CDON: variants seen among roughly 807,000 people sequenced by gnomAD.
The protein encoded by CDON is cell adhesion associated, oncogene regulated, also known as cell adhesion molecule-related/down-regulated by oncogenes.
Under a neutral mutation model 120.9 loss-of-function variants are expected in CDON, and 73 were observed. The observed-to-expected ratio is 0.60, with a 90% CI of 0.50 to 0.73. The LOEUF (loss-of-function observed/expected upper bound fraction) is 0.73. Ranked by LOEUF, CDON falls within the 30% of genes least tolerant of loss-of-function variation. The probability of loss-of-function intolerance (pLI) is 0.00; values close to 1 mark genes in which losing one functional copy is unlikely to be tolerated. For missense variants in CDON, 1,470 were observed against 1,587.3 expected (o/e 0.93, Z 1.26); for synonymous variants, 566 against 573.5 (o/e 0.99, Z 0.19).
intron 18 of CDON, among the ~76,000 whole-genome samples, chr11:125,974,989 C>G (rs1946113597): frequency 6.6e-6 from 1 of 152,066 alleles, no homozygotes; most frequent in African/African-American, 2.4e-5. Context: ...CCTCTTCATC[C>G]CCATTCCCCA....
At position 125,997,338 on chromosome 11, in the gene CDON, C is replaced by T. The variant is rs1565514784; in HGVS notation, c.2231G>A (p.Arg744Gln). 7.4e-6 allele frequency: 12 copies of T among 1,613,944 alleles called. No homozygotes were observed. Among genetic ancestry groups the T allele is most frequent in the South Asian group, 2.2e-5 (2 of 91,068 alleles). ...ETSVYVTWIPRANGGSPITAF... is the reference protein window; with the variant it reads ...ETSVYVTWIPQANGGSPITAF... Reference sequence around the variant, plus strand: ...AGTGATTGGAGAACCCCCGTTTGCCCGAGGAATCCAAGTGACATAGACTGA... The same window carrying T: ...AGTGATTGGAGAACCCCCGTTTGCCTGAGGAATCCAAGTGACATAGACTGA... Residue 744 changes from arginine (R) to glutamine (Q), a missense_variant, in exon 12 of 20, where the codon CGG becomes CAG. Arg to Gln is a conservative substitution (Grantham distance 43, BLOSUM62 1). Coordinates refer to ENST00000531738, the MANE Select transcript of CDON (RefSeq NM_001378964.1).
At chr11:126,042,497 AT>A (rs372539124) in intron 1 of CDON, among the ~76,000 whole-genome samples, 37 of 152,192 alleles carry the variant, frequency 2.4e-4, no homozygotes, top group East Asian at 7.7e-4. Context: ...AGAAACATAT[AT>A]TTTTTTTATG....
chr11:125,966,371 G>C (rs1031082843), intron 18 of CDON, among the ~76,000 whole-genome samples: 1 of 152,140 alleles, frequency 6.6e-6, no homozygotes, highest in Non-Finnish European at 1.5e-5. Flanking sequence ...AAGACATGGG[G>C]ATAAGAGCAT....
At chr11:125,971,943 G>GGAGAA (rs1005211373) in intron 18 of CDON, among the ~76,000 whole-genome samples, 2 of 152,164 alleles carry the variant, frequency 1.3e-5, no homozygotes, top group African/African-American at 4.8e-5. Context: ...TTTGAATTCA[G>GGAGAA]GAGAAGAGAA....
rs1177180374 is a variant in CDON at position 125,981,119 on chromosome 11, A to G, written c.3206T>C (p.Leu1069Pro). Residue 1069 changes from leucine (L) to proline (P), a missense_variant, in exon 17 of 20, where the codon CTT becomes CCT. Leu to Pro is a moderately conservative substitution (Grantham distance 98). Transcript: ENST00000531738. ...TAGAGAGTTGCTGTGCCCGGAGTAA[A>G]GCCCTCCATTTAGGCTCCCATTCAC... ...GIVNGSLNGG[L>P]YSGHSNSLTR... 1 of 1,614,132 alleles carries G rather than the reference A, an allele frequency of 6.2e-7. No homozygotes were observed. Among genetic ancestry groups the G allele is most frequent in the South Asian group, 1.1e-5 (1 of 91,080 alleles).
chr11:125,978,954 G>A (rs571970416), intron 17 of CDON, among the ~76,000 whole-genome samples: 1 of 152,320 alleles, frequency 6.6e-6, no homozygotes, highest in South Asian at 2.1e-4. Context: ...TGGAGGGGGT[G>A]TGTTAATATT....
At chr11:126,046,629 G>A (rs956679175) in intron 1 of CDON, among the ~76,000 whole-genome samples, 2 of 152,168 alleles carry the variant, frequency 1.3e-5, no homozygotes, top group African/African-American at 2.4e-5. Context: ...GTCATTTTCC[G>A]ATTCTACAAC....
At chr11:125,975,803 CA>C (rs1362444938) in intron 18 of CDON, among the ~76,000 whole-genome samples, 1 of 152,188 alleles carries the variant, frequency 6.6e-6, no homozygotes, top group African/African-American at 2.4e-5. Context: ...CTTATGTAAA[CA>C]TTATCCTTTC....
chr11:126,013,225 C>G (rs556642200), intron 7 of CDON, among the ~76,000 whole-genome samples: 1 of 152,196 alleles, frequency 6.6e-6, no homozygotes, highest in African/African-American at 2.4e-5. Context: ...TTACACTGTC[C>G]TGGCTTGCTG....
At chr11:126,059,159 C>G (rs2043437) in intron 1 of CDON, among the ~76,000 whole-genome samples, 1 of 152,096 alleles carries the variant, frequency 6.6e-6, no homozygotes. Flanking sequence ...AACGATACAT[C>G]AGCCTTTACA....
intron 1 of CDON, among the ~76,000 whole-genome samples, chr11:126,023,826 CACAA>C (rs1303456758): frequency 6.6e-6 from 1 of 152,244 alleles, no homozygotes; most frequent in African/African-American, 2.4e-5. Flanking sequence ...TTACACATCT[CACAA>C]ACATACAAAA....
At chr11:126,052,509 A>G (rs1235114992) in intron 1 of CDON, among the ~76,000 whole-genome samples, 2 of 152,182 alleles carry the variant, frequency 1.3e-5, no homozygotes, top group Non-Finnish European at 2.9e-5. Flanking sequence ...CAGACCAAAA[A>G]TATTTGGAAA....
chr11:126,035,686 G>A (rs1275487740), intron 1 of CDON, among the ~76,000 whole-genome samples: 2 of 152,090 alleles, frequency 1.3e-5, no homozygotes, highest in Non-Finnish European at 2.9e-5. Flanking sequence ...ACACAAATTG[G>A]CCTATGTCAG....
In CDON at chr11:126,010,565, C is replaced by T. The variant is rs753825222; in HGVS notation, c.1328G>A (p.Gly443Glu). 2 of 1,614,132 alleles carry T rather than the reference C, an allele frequency of 1.2e-6. No homozygotes were observed. The highest frequency in any genetic ancestry group is 2.2e-5 in the South Asian group (2 of 91,076). ...TTGAGATGGATGGCTGGTTATCAAT[C>T]CATGGCTGTCATACCAACGAATGAC... Reference protein sequence around the residue: ...VPVIRWYDSHGLITSHPSQVL... With the variant: ...VPVIRWYDSHELITSHPSQVL... Residue 443 changes from glycine (G) to glutamate (E), a missense_variant, in exon 8 of 20, where the codon GGA becomes GAA. Transcript: ENST00000531738.
chr11:126,045,034 T>G (rs78338104), intron 1 of CDON, among the ~76,000 whole-genome samples: 3,219 of 151,842 alleles, frequency 0.021, 93 homozygotes, highest in African/African-American at 0.066. Flanking sequence ...AAAATATATA[T>G]ATAGAGAGAG....
At chr11:125,998,035 A>G (rs1250388426) in intron 11 of CDON, among the ~76,000 whole-genome samples, 1 of 152,186 alleles carries the variant, frequency 6.6e-6, no homozygotes, top group East Asian at 1.9e-4. Flanking sequence ...CAAAAGTGCT[A>G]GCAGAAAACA....
At chr11:126,042,247 T>C (rs756498801) in intron 1 of CDON, among the ~76,000 whole-genome samples, 77 of 152,336 alleles carry the variant, frequency 5.1e-4, no homozygotes, top group Non-Finnish European at 6.9e-4. Flanking sequence ...GATTTTAAAA[T>C]ATTGTACAAG....
At chr11:125,963,308 TC>T (rs1272500264) in intron 18 of CDON, among the ~76,000 whole-genome samples, 1 of 152,090 alleles carries the variant, frequency 6.6e-6, no homozygotes, top group Non-Finnish European at 1.5e-5. Context: ...ACACTTTTTT[TC>T]CCCCCTATAA....
At chr11:125,989,529 G>T in intron 15 of CDON, 108 bp downstream of exon 15, 1 of 1,041,510 alleles carries the variant, frequency 9.6e-7, no homozygotes, top group Non-Finnish European at 1.5e-6. Context: ...GAGTGAGACC[G>T]TGTCTCAAAA....
Sources: gnomAD v4.1 joint callset for allele counts (sites outside exome capture counted in the v4.1 genomes callset) on GRCh38, gnomAD v4.1.1 for gene constraint, MANE v1.5 for transcripts, NCBI Gene and HGNC (gene_info 2026-07-23, HGNC 2026-07-21) for gene names.